Variants in AGRN observed in about 807,000 individuals in gnomAD.
AGRN encodes the protein agrin proteoglycan.
In AGRN, 106 loss-of-function variants were observed where a neutral mutation model predicts 211.0. The observed-to-expected ratio is 0.50, with a 90% CI of 0.43 to 0.59. The LOEUF is 0.59. Among genes scored for constraint, AGRN ranks in the 20% least tolerant of loss-of-function variants. AGRN has a pLI of 0.00. For missense variants in AGRN, 3,040 were observed against 2,982.6 expected, an observed-to-expected ratio of 1.02 and a Z score of -0.45; for synonymous variants, 1,525 against 1,332.5, an observed-to-expected ratio of 1.14 and a Z score of -3.15.
In AGRN at chr1:1,022,357, G is replaced by C. The variant is rs765443053; in HGVS notation, c.358G>C (p.Ala120Pro). Residue 120 changes from alanine (A) to proline (P), a missense_variant, in exon 2 of 36, where the codon GCA becomes CCA. Physicochemically the swap from Ala to Pro is conservative, Grantham distance 27. Coordinates refer to ENST00000379370, the MANE Select transcript of AGRN (RefSeq NM_198576.4). ...CACCAGGATCTTCTTTGTGAACCCT[G>C]CACCCCCATACCTGTGGCCAGCCCA... is the stretch of plus-strand genomic sequence containing the variant. ...GDTRIFFVNP[A>P]PPYLWPAHKN... 40 of 1,613,220 alleles carry C rather than the reference G, an allele frequency of 2.5e-5. No homozygotes were observed. Among genetic ancestry groups the C allele is most frequent in the Non-Finnish European group, 3.1e-5 (36 of 1,180,008 alleles).
rs6657048 is a variant in AGRN, at chr1:1,022,260, C to T, written c.261C>T (p.Asp87=). 26,063 of 1,613,184 alleles carry T rather than the reference C, an allele frequency of 0.016. 425 individuals carry two copies. The highest frequency in any genetic ancestry group is 0.07 in the African/African-American group (5,276 of 75,024). ...TGGTGGCCCGGGAGAGCCTGCTGGA[C>T]GGCGGCAACAAGGTGGTGATCAGCG... ...KDLVARESLL[D]GGNKVVISGF... is the part of the protein sequence containing the mutation. Residue 87 remains aspartate (D), a synonymous_variant, in exon 2 of 36, where the codon GAC becomes GAT. Coordinates refer to ENST00000379370, the MANE Select transcript of AGRN (RefSeq NM_198576.4).
chr1:1,048,332 C>CTGCAGA lies in AGRN; in HGVS notation c.4072_4073insTGCAGA (p.Pro1358delinsLeuGlnThr). On this transcript the variant is annotated protein_altering_variant, in exon 23 of 36. Transcript: ENST00000379370. This position sits in a 1 kb window ranked among gnomAD's most constrained non-coding sequence, Gnocchi z 5.9. The stretch of plus-strand genomic sequence containing the variant: ...GGGCGGGGGCTTCACCTGCAGCTGC[C>CTGCAGA]CGGCAGGCAGGGGAGGCGCCGTCTG... 1 of 1,474,610 alleles carries CTGCAGA rather than the reference C, an allele frequency of 6.8e-7. No homozygotes were observed. The highest frequency in any genetic ancestry group is 9.0e-7 in the Non-Finnish European group (1 of 1,109,626). 91.3% of individuals were successfully genotyped at this position (1,474,610 alleles called of 1,614,324 possible).
In AGRN at chr1:1,020,318, G is replaced by T; in HGVS notation, c.146G>T (p.Gly49Val). ...GAGGAGGCGAACGTGGTGCTCACCG[G>T]GACGGTGGAGGAGATCCTCAACGTG... ...REEEANVVLT[G>V]TVEEILNVDP... The change falls in exon 1 of 36, where the codon GGG (glycine) becomes GTG (valine). Residue 49 changes from glycine (G) to valine (V), a missense_variant. Around this residue, in one of 3 missense-constraint regions of AGRN, gnomAD observed 1,498 missense variants for 1,457.8 expected, o/e 1.03. Transcript: ENST00000379370. 1 of 1,490,628 alleles carries T rather than the reference G, an allele frequency of 6.7e-7. No individual in the cohort carries two copies. The allele number at this position is 1,490,628 out of a possible 1,614,324, so 92.3% of individuals were successfully genotyped here.
intron 2 of AGRN, among the ~76,000 whole-genome samples, chr1:1,033,578 C>T (rs1644723197): frequency 6.6e-6 from 1 of 151,068 alleles, no homozygotes; most frequent in African/African-American, 2.4e-5. Flanking sequence ...CCAGCCCCAC[C>T]GCTGCCCTCG....
At position 1,043,804 on chromosome 1, in the gene AGRN, C is replaced by T. The variant is rs1024386896; in HGVS notation, c.1799-19C>T. 6.2e-7 allele frequency: 1 copy of T among 1,609,564 alleles called. No homozygotes were observed. The highest frequency in any genetic ancestry group is 8.5e-7 in the Non-Finnish European group (1 of 1,179,826). On this transcript the variant is annotated intron_variant, in intron 9 of 35. Coordinates refer to ENST00000379370, the MANE Select transcript of AGRN (RefSeq NM_198576.4). ...TCAGCCTGGGCCTGCCGACCCCTGC[C>T]TGGCTCTGTCTCCTGCAGAGACCTG...
In AGRN at chr1:1,047,841, C is replaced by A. The variant is rs147673996; in HGVS notation, c.3697C>A (p.Arg1233=). ...CCGGCAGATCCAGGTGTCCAGGCGCCGGTCCTTGGGGGTGAGGCGGCCGCT... is the reference window on the plus strand; with the variant it reads ...CCGGCAGATCCAGGTGTCCAGGCGCAGGTCCTTGGGGGTGAGGCGGCCGCT... ...LLRQIQVSRR[R]SLGVRRPLQE... Residue 1233 remains arginine (R), a synonymous_variant, in exon 22 of 36, where the codon CGG becomes AGG. Transcript: ENST00000379370. The A allele has an allele frequency of 1.9e-6, 3 of 1,605,478 alleles. No individual in the cohort carries two copies. Among genetic ancestry groups the A allele is most frequent in the Admixed American group, 3.4e-5 (2 of 59,070 alleles).
intron 19 of AGRN, 158 bp from the exon 20 acceptor site, chr1:1,047,169 G>A (rs552142079): frequency 7.3e-6 from 10 of 1,373,514 alleles, no homozygotes; most frequent in East Asian, 5.0e-5. Context: ...CCTGGTAACC[G>A]ACACCAGCCC....
At chr1:1,053,453 C>T (rs1185882125) in intron 33 of AGRN, 2 of 1,459,278 alleles carry the variant, frequency 1.4e-6, no homozygotes, top group Non-Finnish European at 1.8e-6. Flanking sequence ...TCTCTTCCTG[C>T]TTCTAAGCCC....
Position 1,048,269 on chromosome 1 carries a change from C to T in AGRN, c.4009C>T (p.Pro1337Ser). The T allele has an allele frequency of 6.5e-7, 1 of 1,531,604 alleles. No homozygotes were observed. Among genetic ancestry groups the T allele is most frequent in the Non-Finnish European group, 8.8e-7 (1 of 1,135,358 alleles). The allele number at this position is 1,531,604 out of a possible 1,614,324, so 94.9% of individuals were successfully genotyped here. Residue 1337 changes from proline to serine, a missense_variant, in exon 23 of 36, where the codon CCC becomes TCC. Transcript: ENST00000379370. This position sits in a 1 kb window ranked among gnomAD's most constrained non-coding sequence, Gnocchi z 5.9. ...GCCTCCAAAGCCCTGTGACTCACAG[C>T]CCTGCTTCCACGGGGGGACCTGCCA... is the stretch of plus-strand genomic sequence containing the variant. Reference protein sequence around the residue: ...QQPPKPCDSQPCFHGGTCQDW... With the variant: ...QQPPKPCDSQSCFHGGTCQDW...
chr1:1,020,992 TC>T (rs1431617331), intron 1 of AGRN, among the ~76,000 whole-genome samples: 1 of 151,972 alleles, frequency 6.6e-6, no homozygotes, highest in Admixed American at 6.5e-5. Context: ...GGTTTCTCCT[TC>T]AGGTGCTTCT....
chr1:1,050,165 A>G, intron 27 of AGRN, 68 bp from the exon 28 acceptor site: 1 of 1,599,090 alleles, frequency 6.3e-7, no homozygotes, highest in Middle Eastern at 1.7e-4. Flanking sequence ...TAGGATCCAC[A>G]CACGGCTGGC....
chr1:1,052,224 C>T, intron 33 of AGRN: 1 of 433,056 alleles, frequency 2.3e-6, no homozygotes. Flanking sequence ...GCCCCACAGC[C>T]AACCCCCACC....
rs766765915 is a variant in AGRN at position 1,049,909 on chromosome 1, C to T, written c.4751C>T (p.Thr1584Ile). The T allele has an allele frequency of 3.7e-6, 6 of 1,610,596 alleles. No homozygotes were observed. The East Asian group carries it at 8.9e-5, about 24-fold the overall frequency. The change falls in exon 27 of 36, where the codon ACC becomes ATC. Residue 1584 changes from threonine (T) to isoleucine (I), a missense_variant. Thr to Ile is a moderately conservative substitution (Grantham distance 89). This residue lies in a region of AGRN where 1,537 missense variants were observed against 1,505.0 expected (regional missense o/e 1.02). Coordinates refer to ENST00000379370, the MANE Select transcript of AGRN (RefSeq NM_198576.4). The stretch of plus-strand genomic sequence containing the variant: ...CCCGTCTTCCTCCATCCAGGACCAA[C>T]CTGTGCCGATGAGAAGAGCCCCTGC... ...CQCPPGRVGP[T>I]CADEKSPCQP...
chr1:1,039,079 C>G (rs1024153186), intron 3 of AGRN, among the ~76,000 whole-genome samples: 9 of 152,216 alleles, frequency 5.9e-5, no homozygotes, highest in African/African-American at 2.2e-4. Flanking sequence ...TCCTATTGCT[C>G]CTATTCACCG....
At chr1:1,022,522 CAG>C (rs1440994646) in intron 2 of AGRN, 60 bp downstream of exon 2, 192 of 1,541,096 alleles carry the variant, frequency 1.2e-4, no homozygotes, top group Non-Finnish European at 1.1e-5. Context: ...CCAAGGGGGA[CAG>C]GTTGCAGGGG....
chr1:1,026,584 C>T (rs1644525613), intron 2 of AGRN, among the ~76,000 whole-genome samples: 1 of 152,130 alleles, frequency 6.6e-6, no homozygotes, highest in East Asian at 1.9e-4. Context: ...CCTGTGGGAC[C>T]CAGGTCCACA....
intron 20 of AGRN, 26 bp downstream of exon 20, chr1:1,047,480 TA>T (rs754941624): frequency 1.9e-6 from 3 of 1,612,740 alleles, no homozygotes; most frequent in Non-Finnish European, 2.5e-6. Context: ...AGCCCCCACC[TA>T]CCCACTGGCC....
At position 1,041,505 on chromosome 1, in the gene AGRN, C is replaced by G. The variant is rs774941993; in HGVS notation, c.980C>G (p.Pro327Arg). ...CDPCQGALPDPSRSCRVNPRT... is the reference protein window; with the variant it reads ...CDPCQGALPDRSRSCRVNPRT... ...CCCTGTCAGGGCGCCCTCCCTGACC[C>G]GAGCCGCAGCTGCCGTGTGAACCCG... is the stretch of plus-strand genomic sequence containing the variant. The change falls in exon 6 of 36, where the codon CCG becomes CGG. Residue 327 changes from proline (P) to arginine (R), a missense_variant. This residue lies in a region of AGRN where 1,498 missense variants were observed against 1,457.8 expected (regional missense o/e 1.03). Coordinates refer to ENST00000379370, the MANE Select transcript of AGRN (RefSeq NM_198576.4). 7 of 1,598,244 alleles carry G rather than the reference C, an allele frequency of 4.4e-6. No individual in the cohort carries two copies. The South Asian group carries it at 6.6e-5, about 15-fold the overall frequency.
At chr1:1,022,100 C>A in intron 1 of AGRN, 101 bp from the exon 2 acceptor site, 1 of 1,469,236 alleles carries the variant, frequency 6.8e-7, no homozygotes, top group Non-Finnish European at 9.4e-7. Flanking sequence ...CTGCCCAGGG[C>A]TTGAGTCTAC....
Sources: gnomAD v4.1 joint callset for allele counts (sites outside exome capture counted in the v4.1 genomes callset) on GRCh38, gnomAD v4.1.1 for gene constraint, gnomAD v4.1.1 regional missense constraint, Gnocchi (gnomAD v3.1) non-coding constraint, MANE v1.5 for transcripts, NCBI Gene and HGNC (gene_info 2026-07-23, HGNC 2026-07-21) for gene names.